The following CPNE8 variants were observed in gnomAD, a reference collection of about 807,000 sequenced individuals.
CPNE8 encodes the protein copine-8.
In CPNE8, 45 loss-of-function variants were observed where a neutral mutation model predicts 81.5. The ratio of observed to expected loss-of-function variants is 0.55; its 90% CI spans 0.44 to 0.71. The LOEUF (loss-of-function observed/expected upper bound fraction) is 0.71. Among genes scored for constraint, CPNE8 ranks in the 30% least tolerant of loss-of-function variants. The probability of loss-of-function intolerance (pLI) is 0.00; values close to 1 mark genes in which losing one functional copy is unlikely to be tolerated. For missense variants in CPNE8, 594 were observed against 672.1 expected, an observed-to-expected ratio of 0.88 and a Z score of 1.28; for synonymous variants, 252 against 226.3, an observed-to-expected ratio of 1.11 and a Z score of -1.02.
chr12:38,682,588 C>T (rs1939434864), intron 16 of CPNE8, among the ~76,000 whole-genome samples: 1 of 152,162 alleles, frequency 6.6e-6, no homozygotes, highest in Admixed American at 6.6e-5. Flanking sequence ...TTTAATTAAA[C>T]AAATGGGTAC....
chr12:38,689,221 A>G (rs1013354735), intron 15 of CPNE8, among the ~76,000 whole-genome samples: 1 of 152,238 alleles, frequency 6.6e-6, no homozygotes, highest in African/African-American at 2.4e-5. Context: ...TGTAGAACAC[A>G]TAGAAAAGCA....
At chr12:38,843,430 T>C (rs1042590164) in intron 4 of CPNE8, among the ~76,000 whole-genome samples, 1 of 152,116 alleles carries the variant, frequency 6.6e-6, no homozygotes, top group African/African-American at 2.4e-5. Flanking sequence ...GTGAAGACTT[T>C]TCCCTCTCTG....
chr12:38,702,849 TA>T, intron 14 of CPNE8, 25 bp downstream of exon 14: 1 of 1,401,750 alleles, frequency 7.1e-7, no homozygotes, highest in Non-Finnish European at 9.7e-7. Context: ...TGATGATTTT[TA>T]TCAGGGGATA....
At chr12:38,786,214 A>G (rs2136916960) in intron 6 of CPNE8, among the ~76,000 whole-genome samples, 1 of 152,306 alleles carries the variant, frequency 6.6e-6, no homozygotes, top group Non-Finnish European at 1.5e-5. Flanking sequence ...AAGGGATGAA[A>G]AAAGATAACT....
At chr12:38,825,657 T>C (rs550777649) in intron 6 of CPNE8, among the ~76,000 whole-genome samples, 16 of 152,370 alleles carry the variant, frequency 1.1e-4, no homozygotes, top group African/African-American at 3.8e-4. Context: ...ACTTAAAACT[T>C]AGCCAACAGA....
At chr12:38,790,505 T>A (rs1942296206) in intron 6 of CPNE8, among the ~76,000 whole-genome samples, 1 of 151,636 alleles carries the variant, frequency 6.6e-6, no homozygotes, top group African/African-American at 2.4e-5. Context: ...AAAACAATAG[T>A]TAGAAATAAC....
At position 38,743,991 on chromosome 12, in the gene CPNE8, A is replaced by T. The variant is rs141837405; in HGVS notation, c.723-13633T>A. ...TTTCCAGGCATGATTTGACTATGAC[A>T]TGAATAAATAGCTAAACATATTTTT... On this transcript the variant is annotated intron_variant, in intron 10 of 19. Coordinates refer to ENST00000331366, the MANE Select transcript of CPNE8 (RefSeq NM_153634.3). Among the ~76,000 whole-genome samples the T allele has an allele frequency of 5.3e-3, 809 of 152,342 alleles. 3 individuals are homozygous for T. Among genetic ancestry groups the T allele is most frequent in the Non-Finnish European group, 8.8e-3 (596 of 68,024 alleles).
intron 7 of CPNE8, among the ~76,000 whole-genome samples, chr12:38,775,344 T>C (rs1418384691): frequency 6.6e-6 from 1 of 152,204 alleles, no homozygotes; most frequent in Non-Finnish European, 1.5e-5. Flanking sequence ...AAGACAACTT[T>C]TTGAGATAAT....
At chr12:38,779,521 T>A (rs1942001963) in intron 6 of CPNE8, among the ~76,000 whole-genome samples, 1 of 152,144 alleles carries the variant, frequency 6.6e-6, no homozygotes, top group Non-Finnish European at 1.5e-5. Flanking sequence ...GAAAAAAATG[T>A]ATCCTAATAA....
At position 38,722,052 on chromosome 12, in the gene CPNE8, C is replaced by T. The variant is rs995643035; in HGVS notation, c.914+1720G>A. 3.3e-5 allele frequency among the ~76,000 whole-genome samples: 5 copies of T among 152,146 alleles called. 1 individual carries two copies. The highest frequency in any genetic ancestry group is 2.6e-4 in the Admixed American group (4 of 15,276). On this transcript the variant is annotated intron_variant, in intron 13 of 19. Transcript: ENST00000331366. ...AGCCTGCTAGGCCAAGCGGATGGAA[C>T]GAGCCCAGCAGGCCCTAGCAAACTC...
At chr12:38,730,392 C>T (rs761955099) in intron 10 of CPNE8, 34 bp from the exon 11 acceptor site, 3 of 1,213,714 alleles carry the variant, frequency 2.5e-6, no homozygotes, top group Non-Finnish European at 3.6e-6. Flanking sequence ...ATAATATTGG[C>T]TTTCATATAT....
chr12:38,798,128 A>G (rs1942548786), intron 6 of CPNE8, among the ~76,000 whole-genome samples: 1 of 152,174 alleles, frequency 6.6e-6, no homozygotes, highest in Non-Finnish European at 1.5e-5. Flanking sequence ...ACACTCTGCA[A>G]GACATTATCC....
At chr12:38,722,630 C>T (rs1940594311) in intron 13 of CPNE8, among the ~76,000 whole-genome samples, 2 of 152,188 alleles carry the variant, frequency 1.3e-5, no homozygotes, top group Admixed American at 1.3e-4. Context: ...AGTTACTAAA[C>T]ACATTCAAAT....
chr12:38,827,013 CAAA>C (rs56670584), intron 6 of CPNE8, among the ~76,000 whole-genome samples: 4 of 91,662 alleles, frequency 4.4e-5, no homozygotes, highest in Non-Finnish European at 4.4e-5. Flanking sequence ...ACTAAAAATA[CAAA>C]AAAAAAAAAA....
At chr12:38,866,458 C>T (rs1042848341) in intron 3 of CPNE8, among the ~76,000 whole-genome samples, 1 of 152,180 alleles carries the variant, frequency 6.6e-6, no homozygotes, top group Non-Finnish European at 1.5e-5. Context: ...CAATTAGCAA[C>T]AGTTATGGCC....
At chr12:38,746,345 T>A (rs1941227350) in intron 10 of CPNE8, among the ~76,000 whole-genome samples, 1 of 152,168 alleles carries the variant, frequency 6.6e-6, no homozygotes, top group Admixed American at 6.6e-5. Context: ...GGTCAGGCTT[T>A]CACTTCTTTT....
chr12:38,690,367 C>A (rs1402892797), intron 15 of CPNE8, among the ~76,000 whole-genome samples: 1 of 152,122 alleles, frequency 6.6e-6, no homozygotes, highest in Admixed American at 6.5e-5. Context: ...CTACTTAACC[C>A]ATATCTGCCT....
chr12:38,725,592 C>T (rs1940677908), intron 11 of CPNE8, among the ~76,000 whole-genome samples: 1 of 152,038 alleles, frequency 6.6e-6, no homozygotes, highest in South Asian at 2.1e-4. Context: ...ATGGAGAAAG[C>T]CTTTGACAGG....
intron 5 of CPNE8, among the ~76,000 whole-genome samples, chr12:38,831,572 T>TAA (rs1302983058): frequency 2.6e-4 from 40 of 152,232 alleles, no homozygotes; most frequent in African/African-American, 8.9e-4. Context: ...GGCATGGCCA[T>TAA]ACCTTCATTA....
Sources: gnomAD v4.1 joint callset for allele counts (sites outside exome capture counted in the v4.1 genomes callset) on GRCh38, gnomAD v4.1.1 for gene constraint, MANE v1.5 for transcripts, NCBI Gene and HGNC (gene_info 2026-07-23, HGNC 2026-07-21) for gene names.